The following ALPK2 variants were observed in gnomAD, a reference collection of about 807,000 sequenced individuals.
ALPK2 encodes the protein alpha-protein kinase 2.
Under a neutral mutation model 163.1 loss-of-function variants are expected in ALPK2, and 127 were observed. The ratio of observed to expected loss-of-function variants is 0.78; its 90% CI spans 0.67 to 0.90. The LOEUF is 0.90. Ranked by LOEUF, ALPK2 falls within the 40% of genes least tolerant of loss-of-function variation. The pLI, the probability that ALPK2 is intolerant of heterozygous loss-of-function variation, is 0.00. For synonymous variants in ALPK2, 953 were observed against 959.1 expected (o/e 0.99, Z 0.12); for missense variants, 2,360 against 2,589.6 (o/e 0.91, Z 1.92).
At chr18:58,572,125 G>T (rs2051889212) in intron 4 of ALPK2, among the ~76,000 whole-genome samples, 1 of 152,084 alleles carries the variant, frequency 6.6e-6, no homozygotes. Context: ...TATACAACTG[G>T]CAAATAAATA....
At chr18:58,498,704 TA>T (rs1274585943) in intron 11 of ALPK2, among the ~76,000 whole-genome samples, 3 of 152,328 alleles carry the variant, frequency 2.0e-5, no homozygotes, top group East Asian at 3.9e-4. Flanking sequence ...TGGTAGTGAA[TA>T]AGTCTCAGGA....
rs184309368 is a variant in ALPK2, at chr18:58,557,936, G to A, written c.1963-19712C>T. Among the ~76,000 whole-genome samples, 18 of 152,176 alleles carry A rather than the reference G, an allele frequency of 1.2e-4. No individual in the cohort carries two copies. The East Asian group carries it at 2.5e-3, about 21-fold the overall frequency. On this transcript the variant is annotated intron_variant, in intron 4 of 12. Coordinates refer to ENST00000361673, the MANE Select transcript of ALPK2 (RefSeq NM_052947.4). Reference sequence around the variant, plus strand: ...TGCACTGCAGCCTGGATGACAAAACGAGATCCCGTCTCTAAAATATATAAA... The same window carrying A: ...TGCACTGCAGCCTGGATGACAAAACAAGATCCCGTCTCTAAAATATATAAA...
At chr18:58,500,238 GAAAAA>G (rs10570591) in intron 11 of ALPK2, among the ~76,000 whole-genome samples, 7 of 114,458 alleles carry the variant, frequency 6.1e-5, no homozygotes, top group African/African-American at 2.4e-4. Context: ...ACTATGCTTT[GAAAAA>G]AAAAAAAAAA....
rs942365263 is a variant in ALPK2, at chr18:58,533,966, T to C, written c.5353+868A>G. Among the ~76,000 whole-genome samples the C allele has an allele frequency of 1.7e-4, 26 of 152,140 alleles. 1 individual carries two copies. The highest frequency in any genetic ancestry group is 6.0e-4 in the African/African-American group (25 of 41,428). ...TCCCTTCTGATCAGCCATCCGTAGCTTTTCGCTCCAGAGCACACAGGCCAC... is the reference window on the plus strand; with the variant it reads ...TCCCTTCTGATCAGCCATCCGTAGCCTTTCGCTCCAGAGCACACAGGCCAC... On this transcript the variant is annotated intron_variant, in intron 5 of 12. Transcript: ENST00000361673.
At chr18:58,542,747 G>A (rs1376180120) in intron 4 of ALPK2, among the ~76,000 whole-genome samples, 3 of 152,130 alleles carry the variant, frequency 2.0e-5, no homozygotes, top group Non-Finnish European at 2.9e-5. Flanking sequence ...TGGAATTGCC[G>A]AGAAAAGCAA....
At chr18:58,489,853 T>A (rs779873065) in intron 12 of ALPK2, among the ~76,000 whole-genome samples, 33 of 152,018 alleles carry the variant, frequency 2.2e-4, no homozygotes, top group Non-Finnish European at 4.0e-4. Context: ...TCCCAGCACT[T>A]TGGGAGGCCG....
intron 2 of ALPK2, among the ~76,000 whole-genome samples, chr18:58,609,975 C>T (rs2052119226): frequency 1.3e-5 from 2 of 152,166 alleles, no homozygotes; most frequent in Non-Finnish European, 2.9e-5. Flanking sequence ...ACTGCAACTC[C>T]AGGCTGAAAT....
chr18:58,585,949 G>T (rs946422860), intron 3 of ALPK2, among the ~76,000 whole-genome samples: 2 of 152,168 alleles, frequency 1.3e-5, no homozygotes, highest in African/African-American at 4.8e-5. Context: ...CTCCCAAAGT[G>T]CTGGGATTAC....
At chr18:58,483,143 G>A (rs968466319) in intron 12 of ALPK2, among the ~76,000 whole-genome samples, 3 of 152,146 alleles carry the variant, frequency 2.0e-5, no homozygotes, top group Admixed American at 6.5e-5. Flanking sequence ...CCTTGTCACC[G>A]CAGATGAGCT....
chr18:58,543,440 C>T (rs2051701937), intron 4 of ALPK2: 5 of 983,554 alleles, frequency 5.1e-6, no homozygotes, highest in Non-Finnish European at 6.0e-6. Context: ...AGGCAGGAGG[C>T]TTTAAGAGCT....
chr18:58,625,518 T>C (rs765422049), intron 1 of ALPK2, among the ~76,000 whole-genome samples: 3 of 152,254 alleles, frequency 2.0e-5, no homozygotes, highest in Non-Finnish European at 4.4e-5. Flanking sequence ...ATGCAAATTC[T>C]TGGAAACTTC....
chr18:58,581,525 A>C (rs1161808563), intron 3 of ALPK2, among the ~76,000 whole-genome samples: 1 of 152,206 alleles, frequency 6.6e-6, no homozygotes. Flanking sequence ...CTGCTCTCTC[A>C]GTTCAGGATG....
At chr18:58,509,380 A>G (rs1217019144) in intron 10 of ALPK2, among the ~76,000 whole-genome samples, 3 of 152,042 alleles carry the variant, frequency 2.0e-5, no homozygotes, top group South Asian at 2.1e-4. Context: ...ATGATTTATA[A>G]TCCTTTGGGT....
intron 4 of ALPK2, among the ~76,000 whole-genome samples, chr18:58,541,733 A>G (rs1031222726): frequency 6.6e-6 from 1 of 152,198 alleles, no homozygotes; most frequent in Non-Finnish European, 1.5e-5. Context: ...CGCTGCTGAT[A>G]AGCAATTCCA....
chr18:58,538,059 C>A lies in ALPK2; in HGVS notation c.2128G>T (p.Val710Phe). ...TGTGGACCACAGGTACAGGGTTTGA[C>A]CTCCGAGTGTTGAGCTAATGATGCA... ...ENASLAQHSEVKPCTCGPQHE... is the reference protein window; with the variant it reads ...ENASLAQHSEFKPCTCGPQHE... Residue 710 changes from valine (V) to phenylalanine (F), a missense_variant, in exon 5 of 13, where the codon GTC becomes TTC. Val to Phe is a conservative substitution (Grantham distance 50, BLOSUM62 -1). Coordinates refer to ENST00000361673, the MANE Select transcript of ALPK2 (RefSeq NM_052947.4). The A allele has an allele frequency of 6.2e-7, 1 of 1,614,144 alleles. No homozygotes were observed. The highest frequency in any genetic ancestry group is 2.2e-5 in the East Asian group (1 of 44,872).
chr18:58,573,076 A>T (rs978947588), intron 4 of ALPK2, among the ~76,000 whole-genome samples: 2 of 152,070 alleles, frequency 1.3e-5, no homozygotes, highest in Non-Finnish European at 2.9e-5. Context: ...CCGTTTGTAA[A>T]TGGTATCTAG....
At chr18:58,522,567 A>G (rs2051560782) in intron 8 of ALPK2, among the ~76,000 whole-genome samples, 1 of 152,210 alleles carries the variant, frequency 6.6e-6, no homozygotes, top group South Asian at 2.1e-4. Context: ...AGAGAAACCC[A>G]TCTTTTGTTT....
At chr18:58,589,681 C>A (rs2052005512) in intron 3 of ALPK2, among the ~76,000 whole-genome samples, 1 of 152,200 alleles carries the variant, frequency 6.6e-6, no homozygotes, top group Non-Finnish European at 1.5e-5. Flanking sequence ...CTAAGGGTCA[C>A]ATGCATTATT....
In ALPK2 at chr18:58,536,331, G is replaced by T; in HGVS notation, c.3856C>A (p.Pro1286Thr). Reference sequence around the variant, plus strand: ...GCTATTTCAGAGGGGGCCAATTCAGGCACAACAGCATCTGCCTTTAGACTA... The same window carrying T: ...GCTATTTCAGAGGGGGCCAATTCAGTCACAACAGCATCTGCCTTTAGACTA... The part of the protein sequence containing the change: ...PDSLKADAVV[P>T]ELAPSEIAAL... The change falls in exon 5 of 13, where the codon CCT (proline) becomes ACT (threonine). Residue 1286 changes from proline (P) to threonine (T), a missense_variant. Transcript: ENST00000361673. 4 of 1,614,188 alleles carry T rather than the reference G, an allele frequency of 2.5e-6. No homozygotes were observed. The highest frequency in any genetic ancestry group is 3.4e-6 in the Non-Finnish European group (4 of 1,180,032).
Sources: gnomAD v4.1 joint callset for allele counts (sites outside exome capture counted in the v4.1 genomes callset) on GRCh38, gnomAD v4.1.1 for gene constraint, MANE v1.5 for transcripts, NCBI Gene and HGNC (gene_info 2026-07-23, HGNC 2026-07-21) for gene names.